The following SCIN variants were observed in gnomAD, a reference collection of about 807,000 sequenced individuals.
SCIN encodes the protein scinderin.
Under a neutral mutation model 91.8 loss-of-function variants are expected in SCIN, and 91 were observed. The observed-to-expected ratio is 0.99, with a 90% CI of 0.84 to 1.18. The LOEUF (loss-of-function observed/expected upper bound fraction) is 1.18. SCIN is among the 50% of genes most tolerant of loss of function. SCIN has a pLI of 0.00. For synonymous variants in SCIN, 367 were observed against 312.6 expected, an observed-to-expected ratio of 1.17 and a Z score of -1.84; for missense variants, 1,087 against 863.9, an observed-to-expected ratio of 1.26 and a Z score of -3.24.
intron 1 of SCIN, among the ~76,000 whole-genome samples, chr7:12,575,973 A>T (rs1310265603): frequency 2.0e-5 from 3 of 152,200 alleles, no homozygotes; most frequent in African/African-American, 7.2e-5. Context: ...TTACATAAGC[A>T]TCAGCAAATG....
intron 2 of SCIN, among the ~76,000 whole-genome samples, chr7:12,579,697 C>G (rs1782448974): frequency 6.6e-6 from 1 of 152,228 alleles, no homozygotes; most frequent in Middle Eastern, 3.2e-3. Flanking sequence ...AGACGGATCA[C>G]CTGAGGTCAG....
Position 12,652,792 on chromosome 7 carries a change from C to T in SCIN, c.*77C>T. 6.5e-7 allele frequency: 1 copy of T among 1,544,824 alleles called. No individual in the cohort carries two copies. The highest frequency in any genetic ancestry group is 8.7e-7 in the Non-Finnish European group (1 of 1,150,168). The stretch of plus-strand genomic sequence containing the variant: ...TGTTTTGGGAGAGGAACGGGAAAAG[C>T]TTTTTGCTTATTTGTCTTTTGAAAA... On this transcript the variant is annotated 3_prime_UTR_variant, in exon 16 of 16. Transcript: ENST00000297029.
chr7:12,639,627 A>T (rs1242359267), intron 10 of SCIN, among the ~76,000 whole-genome samples: 1 of 152,352 alleles, frequency 6.6e-6, no homozygotes, highest in Middle Eastern at 3.4e-3. Flanking sequence ...AATAAAATCA[A>T]GAAAATAATT....
In SCIN at chr7:12,650,124, A is replaced by C. The variant is rs912521740; in HGVS notation, c.1959+580A>C. Among the ~76,000 whole-genome samples, 9 of 152,346 alleles carry C rather than the reference A, an allele frequency of 5.9e-5. No homozygotes were observed. The East Asian group carries it at 1.7e-3, about 29-fold the overall frequency. On this transcript the variant is annotated intron_variant, in intron 14 of 15. Coordinates refer to ENST00000297029, the MANE Select transcript of SCIN (RefSeq NM_001112706.3). ...AAGTAAATATATTATGAACTAAATT[A>C]TATAGAACAAGTGTGAAATGCTTAT...
Position 12,622,831 on chromosome 7 carries a change from G to A in SCIN, c.697G>A (p.Gly233Arg), listed in dbSNP as rs185545930. 104 of 1,613,102 alleles carry A rather than the reference G, an allele frequency of 6.4e-5. No individual in the cohort carries two copies. In the African/African-American group the frequency reaches 1.2e-3, roughly 19 times the overall value. ...VLGEKPELPD[G>R]GDDDDIIADI... ...AGGGGAAAAGCCAGAGCTTCCAGAT[G>A]GAGGTGATGATGATGACATTATAGC... Residue 233 changes from glycine to arginine, a missense_variant, in exon 5 of 16, where the codon GGA becomes AGA. Gly to Arg is a moderately radical substitution (Grantham distance 125). Coordinates refer to ENST00000297029, the MANE Select transcript of SCIN (RefSeq NM_001112706.3).
rs755079346 is a variant in SCIN, at chr7:12,626,639, A to G, written c.1037A>G (p.Asp346Gly). The G allele has an allele frequency of 3.7e-5, 58 of 1,554,274 alleles. No individual in the cohort carries two copies. The highest frequency in any genetic ancestry group is 3.3e-4 in the Middle Eastern group (2 of 5,978). The change falls in exon 8 of 16, where the codon GAC becomes GGC. Residue 346 changes from aspartate (D) to glycine (G), a missense_variant. Physicochemically the swap from Asp to Gly is moderately conservative, Grantham distance 94. Transcript: ENST00000297029. ...CCAATCTTCAAACAGTTTTTTAAGG[A>G]CTGGAGAGATAAAGATCAGAGTGAT... The part of the protein sequence containing the change: ...ETPIFKQFFK[D>G]WRDKDQSDGF...
At chr7:12,649,825 T>C (rs1784043116) in intron 14 of SCIN, among the ~76,000 whole-genome samples, 1 of 152,216 alleles carries the variant, frequency 6.6e-6, no homozygotes, top group Non-Finnish European at 1.5e-5. Context: ...TCCTAATTTG[T>C]TTATAATTCA....
chr7:12,570,899 G>GCGACTTCTA lies in SCIN; in HGVS notation c.116_124dup (p.Asp39_Tyr41dup), dbSNP rs748480741. 24 of 1,551,594 alleles carry GCGACTTCTA rather than the reference G, an allele frequency of 1.5e-5. No homozygotes were observed. The highest frequency in any genetic ancestry group is 4.8e-5 in the South Asian group (4 of 84,068). On this transcript the variant is annotated inframe_insertion, in exon 1 of 16. Coordinates refer to ENST00000297029, the MANE Select transcript of SCIN (RefSeq NM_001112706.3). ...GTGCCCGTGCCCCAGAGCGCTCACGGCGACTTCTACGTCGGGGATGCCTAC... is the reference window on the plus strand; with the variant it reads ...GTGCCCGTGCCCCAGAGCGCTCACGGCGACTTCTACGACTTCTACGTCGGGGATGCCTAC...
chr7:12,609,382 C>A (rs1054875082), intron 4 of SCIN, among the ~76,000 whole-genome samples: 1 of 151,980 alleles, frequency 6.6e-6, no homozygotes, highest in Non-Finnish European at 1.5e-5. Flanking sequence ...AAGCTTTTTT[C>A]GTGATCTTTC....
At chr7:12,645,430 A>G (rs966716152) in intron 13 of SCIN, among the ~76,000 whole-genome samples, 1 of 152,152 alleles carries the variant, frequency 6.6e-6, no homozygotes, top group African/African-American at 2.4e-5. Flanking sequence ...ACTGTTCTGA[A>G]TCTCAGTTTC....
intron 4 of SCIN, among the ~76,000 whole-genome samples, chr7:12,608,473 T>TTTTA (rs981390977): frequency 2.6e-5 from 4 of 151,934 alleles, no homozygotes; most frequent in Non-Finnish European, 2.9e-5. Context: ...TAAATTGAGG[T>TTTTA]TTTATTTATT....
In SCIN at chr7:12,578,153, A is replaced by G; in HGVS notation, c.289A>G (p.Arg97Gly). 2 of 1,551,348 alleles carry G rather than the reference A, an allele frequency of 1.3e-6. No individual in the cohort carries two copies. Among genetic ancestry groups the G allele is most frequent in the Non-Finnish European group, 1.7e-6 (2 of 1,146,688 alleles). Residue 97 changes from arginine to glycine, a missense_variant, in exon 2 of 16, where the codon AGA becomes GGA. Coordinates refer to ENST00000297029, the MANE Select transcript of SCIN (RefSeq NM_001112706.3). Reference protein sequence around the residue: ...DYLGGKPVQNRELQGYESNDF... With the variant: ...DYLGGKPVQNGELQGYESNDF... ...TTTGGGTGGCAAGCCAGTGCAGAAT[A>G]GAGAACTTCAAGGATATGAGTCTAA...
chr7:12,600,309 C>A (rs1413559746), intron 3 of SCIN, among the ~76,000 whole-genome samples: 2 of 152,098 alleles, frequency 1.3e-5, no homozygotes, highest in Non-Finnish European at 2.9e-5. Flanking sequence ...TATAAGAATG[C>A]AAAGGCATAA....
chr7:12,639,687 T>A (rs914026455), intron 10 of SCIN, among the ~76,000 whole-genome samples: 2 of 152,232 alleles, frequency 1.3e-5, no homozygotes, highest in African/African-American at 4.8e-5. Flanking sequence ...ATATTGTATT[T>A]TTTAAAGTTT....
chr7:12,581,305 AT>A (rs1782483969), intron 3 of SCIN, 84 bp downstream of exon 3: 1 of 1,387,344 alleles, frequency 7.2e-7, no homozygotes, highest in South Asian at 1.4e-5. Flanking sequence ...ATTGAAAAGA[AT>A]CACTTTTTCT....
intron 9 of SCIN, among the ~76,000 whole-genome samples, chr7:12,633,245 A>C (rs740415): frequency 0.26 from 39,745 of 152,110 alleles, 5,508 homozygotes; most frequent in South Asian, 0.43. Context: ...CAGCAATGAT[A>C]TTTTATCTGA....
At chr7:12,576,261 C>T (rs1349210594) in intron 1 of SCIN, among the ~76,000 whole-genome samples, 1 of 152,126 alleles carries the variant, frequency 6.6e-6, no homozygotes, top group Admixed American at 6.5e-5. Context: ...AGAGTCCTTT[C>T]AGATTGCAAA....
chr7:12,644,371 A>G (rs1340931500), intron 12 of SCIN, 56 bp downstream of exon 12: 18 of 1,514,720 alleles, frequency 1.2e-5, no homozygotes, highest in Non-Finnish European at 8.9e-7. Flanking sequence ...ACGATTGCTA[A>G]TCATCTTTTT....
rs533330311 is a variant in SCIN at position 12,656,235 on chromosome 7, A to G, written c.*3520A>G. On this transcript the variant is annotated 3_prime_UTR_variant, in exon 16 of 16. Coordinates refer to ENST00000297029, the MANE Select transcript of SCIN (RefSeq NM_001112706.3). ...AGTCCACTTAACTCATTATTCAGTC[A>G]TCAAGCAATTCTTGTCCCAATCATT... The G allele has an allele frequency of 6.6e-6, 1 of 152,340 alleles. No individual in the cohort carries two copies. Among genetic ancestry groups the G allele is most frequent in the South Asian group, 2.1e-4 (1 of 4,828 alleles). 9.4% of individuals were successfully genotyped at this position (152,340 alleles called of 1,614,324 possible). A position where few individuals can be genotyped will look rare whatever the true frequency, so the allele number is the denominator to read the frequency against.
Sources: allele counts gnomAD v4.1 joint callset (sites outside exome capture counted in the v4.1 genomes callset), GRCh38; gene constraint gnomAD v4.1.1; transcripts MANE v1.5; gene names NCBI Gene and HGNC (gene_info 2026-07-23, HGNC 2026-07-21).